Variants in ART3 observed in about 807,000 individuals in gnomAD.
ART3 encodes the protein ecto-ADP-ribosyltransferase 3.
In ART3, 49 loss-of-function variants were observed where a neutral mutation model predicts 48.5. That is an observed-to-expected ratio of 1.01 (90% CI 0.80 to 1.28). The LOEUF is 1.28. Ranked by LOEUF, ART3 falls within the 50% of genes most tolerant of loss-of-function variation. ART3 has a pLI of 0.00. For synonymous variants in ART3, 145 were observed against 157.2 expected (o/e 0.92, Z 0.58); for missense variants, 438 against 454.3 (o/e 0.96, Z 0.33).
At chr4:76,087,452 TG>T (rs1723854417) in intron 3 of ART3, among the ~76,000 whole-genome samples, 1 of 152,158 alleles carries the variant, frequency 6.6e-6, no homozygotes, top group Non-Finnish European at 1.5e-5. Context: ...TGAAGAACAA[TG>T]GCCAAGTGTT....
intron 1 of ART3, among the ~76,000 whole-genome samples, chr4:76,040,574 AGAG>A (rs1734886591): frequency 7.0e-6 from 1 of 141,982 alleles, no homozygotes; most frequent in South Asian, 2.3e-4. Context: ...AGAAGGAGAC[AGAG>A]GAGAAGACAG....
Position 76,112,598 on chromosome 4 carries a change from A to G in ART3, c.*79A>G, listed in dbSNP as rs1379381965. On this transcript the variant is annotated 3_prime_UTR_variant, in exon 12 of 12. Coordinates refer to ENST00000355810, the MANE Select transcript of ART3 (RefSeq NM_001130016.3). ...CACAGGAGATCAAAAGGAATGATGT[A>G]TTTTTTACGTGTTGGCCAAAGTCAC... The G allele has an allele frequency of 1.0e-5, 15 of 1,433,806 alleles. No individual in the cohort carries two copies. The highest frequency in any genetic ancestry group is 1.2e-5 in the Non-Finnish European group (13 of 1,075,834). 88.8% of individuals were successfully genotyped at this position (1,433,806 alleles called of 1,614,324 possible).
intron 1 of ART3, among the ~76,000 whole-genome samples, chr4:76,030,246 C>T (rs566998850): frequency 1.3e-5 from 2 of 152,218 alleles, no homozygotes; most frequent in East Asian, 1.9e-4. Context: ...TTGGTAGAGA[C>T]GGGGTTTCAC....
At chr4:76,024,857 T>C (rs1162519695) in intron 1 of ART3, among the ~76,000 whole-genome samples, 1 of 152,208 alleles carries the variant, frequency 6.6e-6, no homozygotes, top group Non-Finnish European at 1.5e-5. Flanking sequence ...AGGCAGATAC[T>C]GTCTCAGAAC....
intron 11 of ART3, among the ~76,000 whole-genome samples, chr4:76,109,181 A>G (rs1729015038): frequency 6.6e-6 from 1 of 152,230 alleles, no homozygotes; most frequent in Admixed American, 6.5e-5. Flanking sequence ...CTTAAAACAC[A>G]CATTGTACAG....
chr4:76,016,117 C>A (rs1243706875), intron 1 of ART3, among the ~76,000 whole-genome samples: 1 of 152,180 alleles, frequency 6.6e-6, no homozygotes, highest in Non-Finnish European at 1.5e-5. Flanking sequence ...GATATTTTCA[C>A]TGGATATGCT....
At position 76,026,050 on chromosome 4, in the gene ART3, A is replaced by G. The variant is rs569654696; in HGVS notation, c.-10+14730A>G. 5.9e-5 allele frequency among the ~76,000 whole-genome samples: 9 copies of G among 152,102 alleles called. No individual in the cohort carries two copies. The South Asian group carries it at 1.9e-3, about 32-fold the overall frequency. The stretch of plus-strand genomic sequence containing the variant: ...AAGCTGCTTTACTAAATCCTCTATG[A>G]TCTGGCTGCTACCTATTTGTCCAAC... On this transcript the variant is annotated intron_variant, in intron 1 of 9. Coordinates refer to the ART3 transcript ENST00000341029.
intron 1 of ART3, among the ~76,000 whole-genome samples, chr4:76,043,959 G>A (rs1735246491): frequency 6.6e-6 from 1 of 152,004 alleles, no homozygotes; most frequent in Non-Finnish European, 1.5e-5. Flanking sequence ...CAGTTGTAGT[G>A]TCCTTCAGAG....
chr4:76,034,952 C>T (rs934889474), intron 1 of ART3: 2 of 1,382,344 alleles, frequency 1.4e-6, no homozygotes, highest in Non-Finnish European at 2.0e-6. Flanking sequence ...AGGATCATAG[C>T]AGAATCTTTC....
chr4:76,060,258 G>A (rs938917728), intron 1 of ART3, among the ~76,000 whole-genome samples: 1 of 152,120 alleles, frequency 6.6e-6, no homozygotes, highest in African/African-American at 2.4e-5. Flanking sequence ...GGAATCATAA[G>A]TTACTGATTA....
intron 1 of ART3, among the ~76,000 whole-genome samples, chr4:76,040,591 G>GA (rs1028228675): frequency 1.4e-5 from 2 of 146,246 alleles, no homozygotes; most frequent in Admixed American, 1.4e-4. Context: ...AAGACAGGGA[G>GA]AAAAAAAAAT....
At chr4:76,037,323 A>C (rs1478259604) in intron 1 of ART3, among the ~76,000 whole-genome samples, 1 of 152,236 alleles carries the variant, frequency 6.6e-6, no homozygotes, top group Non-Finnish European at 1.5e-5. Context: ...ATCATATCAA[A>C]GGAGCTTTCT....
chr4:76,067,352 G>C (rs1194550089), intron 1 of ART3, among the ~76,000 whole-genome samples: 1 of 152,208 alleles, frequency 6.6e-6, no homozygotes, highest in African/African-American at 2.4e-5. Context: ...AGTGCATCTT[G>C]AGTTTGTGGG....
chr4:76,107,318 A>G (rs1728674768), intron 10 of ART3: 1 of 152,752 alleles, frequency 6.5e-6, no homozygotes. Flanking sequence ...GATTTTATGC[A>G]TGGCATTCCT....
intron 10 of ART3, 79 bp from the exon 11 acceptor site, chr4:76,107,682 C>A: frequency 9.5e-7 from 1 of 1,048,510 alleles, no homozygotes; most frequent in Non-Finnish European, 1.4e-6. Context: ...ACCAAGTTTG[C>A]TTAATTTTTA....
chr4:76,100,328 A>C lies in ART3; in HGVS notation c.877+8A>C. 6.2e-7 allele frequency: 1 copy of C among 1,612,428 alleles called. No homozygotes were observed. ...AGAAGCTTGAAGACCATAGTAAGAC[A>C]TTTTTATAAATTCTGGGGGCTTGGC... On this transcript the variant is annotated splice_region_variant and intron_variant, in intron 6 of 11. Transcript: ENST00000355810.
At chr4:76,026,441 G>A (rs1733393490) in intron 1 of ART3, among the ~76,000 whole-genome samples, 1 of 152,138 alleles carries the variant, frequency 6.6e-6, no homozygotes, top group Non-Finnish European at 1.5e-5. Context: ...TTAAGTGACA[G>A]CATACCAGGA....
At chr4:76,084,833 C>A (rs1723212209) in intron 3 of ART3, among the ~76,000 whole-genome samples, 1 of 152,180 alleles carries the variant, frequency 6.6e-6, no homozygotes, top group African/African-American at 2.4e-5. Flanking sequence ...TGAGGAGAAG[C>A]CATAGCTTTG....
At chr4:76,087,299 T>C (rs1448640212) in intron 3 of ART3, among the ~76,000 whole-genome samples, 1 of 152,178 alleles carries the variant, frequency 6.6e-6, no homozygotes, top group African/African-American at 2.4e-5. Flanking sequence ...ACCATGTGTT[T>C]AGGGAGCTAT....
Sources: allele counts gnomAD v4.1 joint callset (sites outside exome capture counted in the v4.1 genomes callset), GRCh38; gene constraint gnomAD v4.1.1; transcripts MANE v1.5; gene names NCBI Gene and HGNC (gene_info 2026-07-23, HGNC 2026-07-21).